NME4: variants seen among roughly 807,000 people sequenced by gnomAD.
The protein encoded by NME4 is NME/NM23 nucleoside diphosphate kinase 4.
In NME4, 21 loss-of-function variants were observed where a neutral mutation model predicts 16.4. The observed-to-expected ratio is 1.28, with a 90% CI of 0.91 to 1.84. NME4 has a LOEUF of 1.84. Ranked by LOEUF, NME4 falls within the 40% of genes most tolerant of loss-of-function variation. The probability of loss-of-function intolerance (pLI) is 0.00; values close to 1 mark genes in which losing one functional copy is unlikely to be tolerated. For missense variants in NME4, 316 were observed against 261.3 expected (o/e 1.21, Z -1.44); for synonymous variants, 132 against 107.5 (o/e 1.23, Z -1.41).
intron 1 of NME4, chr16:397,730 G>T: frequency 8.5e-7 from 1 of 1,177,854 alleles, no homozygotes; most frequent in Non-Finnish European, 1.1e-6. Context: ...GGGAGTCGGG[G>T]GGTGGGGGTG....
chr16:397,769 T>G (rs1420686459), intron 1 of NME4: 3 of 1,363,008 alleles, frequency 2.2e-6, no homozygotes, highest in East Asian at 2.9e-5. Context: ...GGGCGTTCGC[T>G]GAAGGCCAAG....
rs768709393 is a variant in NME4, at chr16:400,193, C to T, written c.441-26C>T. On this transcript the variant is annotated intron_variant, in intron 4 of 4. Transcript: ENST00000219479. ...CTCAGGGTGCACATGAAGCCTGAGC[C>T]TCACATTGCTCCTGTCCTGGCACAG... 86 of 1,611,384 alleles carry T rather than the reference C, an allele frequency of 5.3e-5. 1 individual carries two copies. The highest frequency in any genetic ancestry group is 6.6e-5 in the Non-Finnish European group (78 of 1,179,048).
At chr16:397,414 C>A (rs1017483787) in intron 1 of NME4, 101 bp downstream of exon 1, 2 of 391,880 alleles carry the variant, frequency 5.1e-6, no homozygotes, top group African/African-American at 2.3e-5. Flanking sequence ...TCCGACTCCC[C>A]CAGAGGCCTC....
chr16:397,998 A>AG (rs1323607515), intron 1 of NME4: 1 of 1,541,542 alleles, frequency 6.5e-7, no homozygotes, highest in Non-Finnish European at 8.7e-7. Context: ...CAAACCAACC[A>AG]GGGGGTCTTC....
At chr16:398,930 C>T (rs953788948) in intron 1 of NME4, 60 bp from the exon 2 acceptor site, 144 of 1,596,634 alleles carry the variant, frequency 9.0e-5, no homozygotes, top group Middle Eastern at 3.5e-4. Context: ...CTGGGAAACC[C>T]GGGTCGTGGG....
intron 2 of NME4, 111 bp from the exon 3 acceptor site, chr16:399,268 G>A (rs1247594733): frequency 2.9e-6 from 4 of 1,397,058 alleles, no homozygotes; most frequent in Non-Finnish European, 1.0e-6. Flanking sequence ...CGGTGGGGGT[G>A]CTGCCCATGC....
Position 397,244 on chromosome 16 carries a change from T to A in NME4, c.22T>A (p.Ser8Thr). The A allele has an allele frequency of 9.6e-7, 1 of 1,039,624 alleles. No individual in the cohort carries two copies. Among genetic ancestry groups the A allele is most frequent in the Non-Finnish European group, 1.2e-6 (1 of 867,634 alleles). The allele number at this position is 1,039,624 out of a possible 1,614,324, so 64.4% of individuals were successfully genotyped here. A position where few individuals can be genotyped will look rare whatever the true frequency, so the allele number is the denominator to read the frequency against. ...CGTCATGGGCGGCCTCTTCTGGCGCTCCGCGCTGCGGGGGCTGCGCTGCGG... is the reference window on the plus strand; with the variant it reads ...CGTCATGGGCGGCCTCTTCTGGCGCACCGCGCTGCGGGGGCTGCGCTGCGG... MGGLFWR[S>T]ALRGLRCGPR... Residue 8 changes from serine to threonine, a missense_variant, in exon 1 of 5, where the codon TCC (serine) becomes ACC (threonine). Transcript: ENST00000219479.
rs376512881 is a variant in NME4 at position 399,426 on chromosome 16, G to A, written c.273G>A (p.Lys91=). Residue 91 remains lysine, a synonymous_variant, in exon 3 of 5, where the codon AAG becomes AAA. Transcript: ENST00000219479. ...AGCACTACCAGGACCTGCGGAGGAA[G>A]CCCTTCTACCCTGCCCTCATCCGCT... ...LAEHYQDLRR[K]PFYPALIRYM... 6.2e-7 allele frequency: 1 copy of A among 1,612,878 alleles called. No individual in the cohort carries two copies. The highest frequency in any genetic ancestry group is 1.3e-5 in the African/African-American group (1 of 74,900).
intron 1 of NME4, chr16:398,436 C>T (rs2054593787): frequency 1.3e-5 from 15 of 1,193,250 alleles, no homozygotes; most frequent in Non-Finnish European, 1.6e-5. Context: ...TCACCTCAGA[C>T]ACAGGGTGGG....
rs910050515 is a variant in NME4, at chr16:400,251, G to A, written c.473G>A (p.Gly158Glu). The change falls in exon 5 of 5, where the codon GGG becomes GAG. Residue 158 changes from glycine to glutamate, a missense_variant. Coordinates refer to ENST00000219479, the MANE Select transcript of NME4 (RefSeq NM_005009.3). ...ATCCACGCCAGCGACTCCGTGGAGG[G>A]GGCCCAGCGGGAGATCCAGCTGTGG... ...NVIHASDSVEGAQREIQLWFQ... is the reference protein window; with the variant it reads ...NVIHASDSVEEAQREIQLWFQ... The A allele has an allele frequency of 6.2e-7, 1 of 1,604,414 alleles. No homozygotes were observed. The highest frequency in any genetic ancestry group is 1.3e-5 in the African/African-American group (1 of 74,806).
chr16:397,080 G>C (rs1298871885), upstream of NME4: 1 of 163,024 alleles, frequency 6.1e-6, no homozygotes, highest in Non-Finnish European at 1.3e-5. Context: ...CATTTCCCCC[G>C]TGAGCGCCGG....
In NME4 at chr16:400,666, T is replaced by C. The variant is rs1429862299; in HGVS notation, c.*324T>C. 3 of 293,932 alleles carry C rather than the reference T, an allele frequency of 1.0e-5. No homozygotes were observed. Among genetic ancestry groups the C allele is most frequent in the Non-Finnish European group, 1.9e-5 (3 of 157,878 alleles). 18.2% of individuals were successfully genotyped at this position (293,932 alleles called of 1,614,324 possible). A position where few individuals can be genotyped will look rare whatever the true frequency, so the allele number is the denominator to read the frequency against. On this transcript the variant is annotated 3_prime_UTR_variant, in exon 5 of 5. Transcript: ENST00000219479. The stretch of plus-strand genomic sequence containing the variant: ...GCCCAGCACATGGGTGGTACACTAA[T>C]TATGACTTCCCCCAGCTCTGAGGTA...
rs7189866 is a variant in NME4, at chr16:397,348, A to T, written c.91+35A>T. Reference sequence around the variant, plus strand: ...GCCGCGCGCCCCGGCGGGGACGCGGAGGGGAGGAAGGGGCGCGCGCCGCTC... The same window carrying T: ...GCCGCGCGCCCCGGCGGGGACGCGGTGGGGAGGAAGGGGCGCGCGCCGCTC... On this transcript the variant is annotated intron_variant, in intron 1 of 4. Transcript: ENST00000219479. 35,077 of 884,300 alleles carry T rather than the reference A, an allele frequency of 0.04. 1,036 individuals carry two copies. Among genetic ancestry groups the T allele is most frequent in the African/African-American group, 0.14 (7,612 of 54,540 alleles). 54.8% of individuals were successfully genotyped at this position (884,300 alleles called of 1,614,324 possible).
At chr16:399,158 G>A in intron 2 of NME4, 35 bp downstream of exon 2, 6 of 1,600,442 alleles carry the variant, frequency 3.7e-6, no homozygotes, top group Non-Finnish European at 5.1e-6. Flanking sequence ...TGTCCCTGTG[G>A]GGATGGGGTT....
At position 398,962 on chromosome 16, in the gene NME4, A is replaced by C. The variant is rs1294286723; in HGVS notation, c.92-28A>C. The C allele has an allele frequency of 1.9e-6, 3 of 1,608,204 alleles. No homozygotes were observed. The African/African-American group carries it at 4.0e-5, about 21-fold the overall frequency. On this transcript the variant is annotated intron_variant, in intron 1 of 4. Transcript: ENST00000219479. ...TGGGGACGTGAAAGGGTGAGGTGGC[A>C]GTGCCTCTGACCTCTTGCCTTTTGA...
rs1318173462 is a variant in NME4 at position 400,534 on chromosome 16, T to G, written c.*192T>G. On this transcript the variant is annotated 3_prime_UTR_variant, in exon 5 of 5. Coordinates refer to ENST00000219479, the MANE Select transcript of NME4 (RefSeq NM_005009.3). Reference sequence around the variant, plus strand: ...TCTGTACCCCAAGCCAGCACAAGATTGGACCAATCCTTTTTGCACCAAAGT... The same window carrying G: ...TCTGTACCCCAAGCCAGCACAAGATGGGACCAATCCTTTTTGCACCAAAGT... The G allele has an allele frequency of 3.3e-6, 2 of 605,030 alleles. No individual in the cohort carries two copies. Among genetic ancestry groups the G allele is most frequent in the African/African-American group, 1.9e-5 (1 of 53,112 alleles). 37.5% of individuals were successfully genotyped at this position (605,030 alleles called of 1,614,324 possible).
In NME4 at chr16:400,540, A is replaced by G; in HGVS notation, c.*198A>G. 1.7e-6 allele frequency: 1 copy of G among 573,432 alleles called. No individual in the cohort carries two copies. The highest frequency in any genetic ancestry group is 2.9e-6 in the Non-Finnish European group (1 of 348,002). 35.5% of individuals were successfully genotyped at this position (573,432 alleles called of 1,614,324 possible). A position where few individuals can be genotyped will look rare whatever the true frequency, so the allele number is the denominator to read the frequency against. Reference sequence around the variant, plus strand: ...CCCCAAGCCAGCACAAGATTGGACCAATCCTTTTTGCACCAAAGTGCCGGA... The same window carrying G: ...CCCCAAGCCAGCACAAGATTGGACCGATCCTTTTTGCACCAAAGTGCCGGA... On this transcript the variant is annotated 3_prime_UTR_variant, in exon 5 of 5. Transcript: ENST00000219479.
intron 1 of NME4, chr16:398,271 A>T: frequency 7.2e-7 from 1 of 1,380,560 alleles, no homozygotes; most frequent in Non-Finnish European, 9.6e-7. Flanking sequence ...TGGAAGCGAC[A>T]GGCCTTGAAA....
rs368464683 is a variant in NME4 at position 399,376 on chromosome 16, C to G, written c.226-3C>G. The G allele has an allele frequency of 1.9e-6, 3 of 1,612,728 alleles. No individual in the cohort carries two copies. The highest frequency in any genetic ancestry group is 4.5e-5 in the East Asian group (2 of 44,886). ...GGCTCCTCCTTACCTCAATGCCACC[C>G]AGGCACCAGAGAGCGTCCTTGCCGA... is the stretch of plus-strand genomic sequence containing the variant. On this transcript the variant is annotated splice_region_variant and splice_polypyrimidine_tract_variant and intron_variant, in intron 2 of 4. Transcript: ENST00000219479.
Sources: allele counts gnomAD v4.1 joint callset, GRCh38; gene constraint gnomAD v4.1.1; transcripts MANE v1.5; gene names NCBI Gene and HGNC (gene_info 2026-07-23, HGNC 2026-07-21).